ADAMTS6: variants seen among roughly 807,000 people sequenced by gnomAD.
The protein encoded by ADAMTS6 is A disintegrin and metalloproteinase with thrombospondin motifs 6.
A neutral mutation model predicts 144.3 loss-of-function variants in ADAMTS6; 23 were observed. The ratio of observed to expected loss-of-function variants is 0.16; its 90% CI spans 0.11 to 0.23. ADAMTS6 has a LOEUF of 0.23. ADAMTS6 is among the 10% of genes least tolerant of loss of function. ADAMTS6 has a pLI of 1.00. For synonymous variants in ADAMTS6, 444 were observed against 457.5 expected (o/e 0.97, Z 0.38); for missense variants, 999 against 1,379.6 (o/e 0.72, Z 4.37).
chr5:65,392,955 C>A (rs1390449877), intron 7 of ADAMTS6, among the ~76,000 whole-genome samples: 1 of 152,114 alleles, frequency 6.6e-6, no homozygotes, highest in African/African-American at 2.4e-5. Context: ...ATACTCCCTG[C>A]CAACTCTACC....
chr5:65,408,798 T>C (rs1230523703), intron 7 of ADAMTS6, among the ~76,000 whole-genome samples: 5 of 152,150 alleles, frequency 3.3e-5, no homozygotes, highest in Non-Finnish European at 7.4e-5. Context: ...TAACAAACTG[T>C]CTCTCAGACC....
In ADAMTS6 at chr5:65,149,238, T is replaced by A. The variant is rs936627521; in HGVS notation, c.*2598A>T. ...TGTAGCTCACTACTTTTGGAAGGTC[T>A]GCCATGGTGGCCCAGCCTCCACTGA... On this transcript the variant is annotated 3_prime_UTR_variant, in exon 25 of 25. Transcript: ENST00000381055. 17 of 152,224 alleles carry A rather than the reference T, an allele frequency of 1.1e-4. No individual in the cohort carries two copies. The highest frequency in any genetic ancestry group is 3.6e-4 in the African/African-American group (15 of 41,464). 9.4% of individuals were successfully genotyped at this position (152,224 alleles called of 1,614,324 possible).
chr5:65,289,116 T>C (rs1742036984), intron 11 of ADAMTS6, among the ~76,000 whole-genome samples: 1 of 152,236 alleles, frequency 6.6e-6, no homozygotes, highest in South Asian at 2.1e-4. Context: ...CAAATCAAAG[T>C]GAAAAGGATT....
intron 9 of ADAMTS6, among the ~76,000 whole-genome samples, chr5:65,322,561 G>GTTTTTTT (rs3049530): frequency 8.4e-6 from 1 of 118,422 alleles, no homozygotes. Context: ...GTGGTATGTA[G>GTTTTTTT]TTTTTTTTTT....
intron 12 of ADAMTS6, among the ~76,000 whole-genome samples, chr5:65,270,466 T>C (rs1761967914): frequency 6.6e-6 from 1 of 152,238 alleles, no homozygotes; most frequent in Non-Finnish European, 1.5e-5. Flanking sequence ...TAGTTCTTTT[T>C]GTTTGTTTTT....
At chr5:65,263,990 A>G (rs769124980) in intron 12 of ADAMTS6, among the ~76,000 whole-genome samples, 8 of 152,156 alleles carry the variant, frequency 5.3e-5, no homozygotes. Context: ...AGTTTATTAT[A>G]CTAATTCTAT....
chr5:65,192,771 A>G (rs1300224103), intron 21 of ADAMTS6, among the ~76,000 whole-genome samples: 1 of 151,872 alleles, frequency 6.6e-6, no homozygotes, highest in Non-Finnish European at 1.5e-5. Flanking sequence ...TGCTATGAAC[A>G]TGATAACTTT....
chr5:65,326,135 T>C (rs181544814), intron 9 of ADAMTS6, among the ~76,000 whole-genome samples: 135 of 152,266 alleles, frequency 8.9e-4, no homozygotes, highest in Non-Finnish European at 2.1e-4. Flanking sequence ...TTAAGATTAT[T>C]TGTTTTTGTA....
At chr5:65,351,035 CTA>C (rs1269704611) in intron 7 of ADAMTS6, among the ~76,000 whole-genome samples, 1 of 152,186 alleles carries the variant, frequency 6.6e-6, no homozygotes, top group Non-Finnish European at 1.5e-5. Context: ...TTGTCTCCTA[CTA>C]TATTTCATAA....
intron 1 of ADAMTS6, among the ~76,000 whole-genome samples, chr5:65,474,796 C>CAAAAA (rs11330695): frequency 1.3e-5 from 1 of 78,882 alleles, no homozygotes; most frequent in Non-Finnish European, 2.6e-5. Flanking sequence ...AAACTGTGAC[C>CAAAAA]AAAAAAAAAA....
At chr5:65,301,431 G>A (rs1743360615) in intron 9 of ADAMTS6, among the ~76,000 whole-genome samples, 1 of 152,116 alleles carries the variant, frequency 6.6e-6, no homozygotes, top group Non-Finnish European at 1.5e-5. Context: ...GTCTGGAAAG[G>A]TAGTTGGGAA....
chr5:65,321,283 G>C (rs1189914128), intron 9 of ADAMTS6, among the ~76,000 whole-genome samples: 1 of 151,892 alleles, frequency 6.6e-6, no homozygotes, highest in Non-Finnish European at 1.5e-5. Context: ...TTTTGATTTG[G>C]ATTTCTCTAA....
intron 20 of ADAMTS6, chr5:65,210,820 G>A (rs1756473833): frequency 2.2e-6 from 1 of 464,278 alleles, no homozygotes; most frequent in Non-Finnish European, 4.0e-6. Context: ...TGTAACTCCA[G>A]ACATGATGGG....
intron 7 of ADAMTS6, among the ~76,000 whole-genome samples, chr5:65,345,977 C>T (rs1164718172): frequency 4.0e-5 from 6 of 151,888 alleles, no homozygotes; most frequent in African/African-American, 9.7e-5. Context: ...AATCTAAACA[C>T]GTTAGCCTGA....
At chr5:65,158,640 A>G (rs554987787) in intron 24 of ADAMTS6, among the ~76,000 whole-genome samples, 1 of 152,322 alleles carries the variant, frequency 6.6e-6, no homozygotes, top group East Asian at 1.9e-4. Context: ...TCTGAGTAGT[A>G]TTGCAAATGT....
intron 14 of ADAMTS6, among the ~76,000 whole-genome samples, chr5:65,253,219 A>C (rs1031584107): frequency 6.6e-6 from 1 of 152,194 alleles, no homozygotes. Context: ...TGTAACTTAC[A>C]CTTTGAGCAT....
intron 9 of ADAMTS6, among the ~76,000 whole-genome samples, chr5:65,320,776 C>T (rs960814037): frequency 6.6e-6 from 1 of 152,104 alleles, no homozygotes; most frequent in African/African-American, 2.4e-5. Context: ...ATTTAGCTCC[C>T]ACTTATAAAT....
Position 65,191,624 on chromosome 5 carries a change from T to C in ADAMTS6, c.2706-3404A>G, listed in dbSNP as rs188453172. On this transcript the variant is annotated intron_variant, in intron 21 of 24. Coordinates refer to ENST00000381055, the MANE Select transcript of ADAMTS6 (RefSeq NM_197941.4). The stretch of plus-strand genomic sequence containing the variant: ...TCATTTATATAAATTATTGTCTACT[T>C]ACAAAGATAAAAAACTTTCCTACAT... 1.1e-4 allele frequency among the ~76,000 whole-genome samples: 16 copies of C among 152,050 alleles called. No individual in the cohort carries two copies. In the East Asian group the frequency reaches 3.1e-3, roughly 29 times the overall value.
intron 7 of ADAMTS6, 62 bp downstream of exon 7, chr5:65,451,413 A>C (rs1242121343): frequency 1.1e-5 from 18 of 1,597,160 alleles, no homozygotes; most frequent in Non-Finnish European, 1.3e-5. Flanking sequence ...CATAGAACCA[A>C]ATTTATTACA....
Sources: gnomAD v4.1 joint callset for allele counts (sites outside exome capture counted in the v4.1 genomes callset) on GRCh38, gnomAD v4.1.1 for gene constraint, MANE v1.5 for transcripts, NCBI Gene and HGNC (gene_info 2026-07-23, HGNC 2026-07-21) for gene names.